Variants in TOGARAM1 observed in about 807,000 individuals in gnomAD.
The protein encoded by TOGARAM1 is TOG array regulator of axonemal microtubules 1.
TOGARAM1 carries 100 observed loss-of-function variants against 166.6 expected under a neutral mutation model. The observed-to-expected ratio is 0.60, with a 90% CI of 0.51 to 0.71. The LOEUF is 0.71. Ranked by LOEUF, TOGARAM1 falls within the 30% of genes least tolerant of loss-of-function variation. The pLI, the probability that TOGARAM1 is intolerant of heterozygous loss-of-function variation, is 0.00. For synonymous variants in TOGARAM1, 758 were observed against 763.8 expected (o/e 0.99, Z 0.13); for missense variants, 2,029 against 2,102.7 (o/e 0.96, Z 0.69).
chr14:44,995,866 G>C lies in TOGARAM1; in HGVS notation c.2167G>C (p.Asp723His), dbSNP rs780954750. The stretch of plus-strand genomic sequence containing the variant: ...AAGAAACTTATTTCAGAATAGTCGG[G>C]ATTTTAACCCAGATTGTCTTCCTTT... ...VSRNLFQNSRDFNPDCLPLCA... is the reference protein window; with the variant it reads ...VSRNLFQNSRHFNPDCLPLCA... Residue 723 changes from aspartate to histidine, a missense_variant, in exon 2 of 20, where the codon GAT becomes CAT. This residue lies in a region of TOGARAM1 where 1,453 missense variants were observed against 1,432.2 expected (regional missense o/e 1.01). Transcript: ENST00000361462. 1.7e-5 allele frequency: 27 copies of C among 1,610,732 alleles called. No individual in the cohort carries two copies. Among genetic ancestry groups the C allele is most frequent in the Non-Finnish European group, 2.1e-5 (25 of 1,178,944 alleles).
rs149629864 is a variant in TOGARAM1, at chr14:45,072,542, A to G, written c.5056+744A>G. Among the ~76,000 whole-genome samples the G allele has an allele frequency of 4.0e-3, 611 of 152,132 alleles. 7 individuals carry two copies. Among genetic ancestry groups the G allele is most frequent in the African/African-American group, 0.014 (570 of 41,494 alleles). On this transcript the variant is annotated intron_variant, in intron 19 of 19. Coordinates refer to ENST00000361462, the MANE Select transcript of TOGARAM1 (RefSeq NM_001308120.2). ...CCTGGGTTCAAGTGATTCCTGCCTC[A>G]GCCTCCTGAGTAGCTGGGACTACAG...
Position 45,027,489 on chromosome 14 carries a change from T to G in TOGARAM1, c.3504+15T>G. The G allele has an allele frequency of 6.3e-7, 1 of 1,579,230 alleles. No homozygotes were observed. Among genetic ancestry groups the G allele is most frequent in the Non-Finnish European group, 8.6e-7 (1 of 1,157,168 alleles). ...ATGAAAAAGATGTAAGGTTATTTGCTAATTATTAGAATAAATTTAAGCTTA... is the reference window on the plus strand; with the variant it reads ...ATGAAAAAGATGTAAGGTTATTTGCGAATTATTAGAATAAATTTAAGCTTA... On this transcript the variant is annotated intron_variant, in intron 9 of 19. Coordinates refer to ENST00000361462, the MANE Select transcript of TOGARAM1 (RefSeq NM_001308120.2).
chr14:45,041,066 A>T (rs1054526308), intron 11 of TOGARAM1, among the ~76,000 whole-genome samples: 28 of 151,400 alleles, frequency 1.8e-4, no homozygotes, highest in African/African-American at 6.6e-4. Context: ...AATAACTTGT[A>T]TAACCCAGTA....
At chr14:44,991,920 C>T (rs1887155930) in intron 1 of TOGARAM1, among the ~76,000 whole-genome samples, 1 of 150,828 alleles carries the variant, frequency 6.6e-6, no homozygotes, top group Non-Finnish European at 1.5e-5. Context: ...ATATTTTTTA[C>T]AATAAGCAAT....
At chr14:44,973,461 A>T (rs905191782) in intron 1 of TOGARAM1, among the ~76,000 whole-genome samples, 1 of 151,932 alleles carries the variant, frequency 6.6e-6, no homozygotes, top group Non-Finnish European at 1.5e-5. Context: ...ACACATAAGC[A>T]TACATAATCA....
chr14:45,002,561 C>T (rs955137441), intron 3 of TOGARAM1, among the ~76,000 whole-genome samples: 1 of 152,032 alleles, frequency 6.6e-6, no homozygotes, highest in Non-Finnish European at 1.5e-5. Flanking sequence ...TAGATGTTTG[C>T]ATCCCAATTT....
chr14:45,028,694 T>C (rs1190117945), intron 10 of TOGARAM1, among the ~76,000 whole-genome samples: 1 of 152,182 alleles, frequency 6.6e-6, no homozygotes, highest in African/African-American at 2.4e-5. Context: ...ATTCAGTCTA[T>C]CCTTGAGTAC....
At position 45,032,341 on chromosome 14, in the gene TOGARAM1, G is replaced by C; in HGVS notation, c.3777G>C (p.Leu1259=). The C allele has an allele frequency of 6.2e-7, 1 of 1,614,016 alleles. No individual in the cohort carries two copies. Among genetic ancestry groups the C allele is most frequent in the Non-Finnish European group, 8.5e-7 (1 of 1,179,986 alleles). ...CATTCTCTAAACCAGAAATAGCACT[G>C]ACAGAAGCCCTGAGGCTTTTGGCTG... is the stretch of plus-strand genomic sequence containing the variant. ...LRPFSKPEIA[L]TEALRLLADE... is the part of the protein sequence containing the mutation. The change falls in exon 11 of 20, where the codon CTG becomes CTC. Residue 1259 remains leucine, a synonymous_variant. Coordinates refer to ENST00000361462, the MANE Select transcript of TOGARAM1 (RefSeq NM_001308120.2).
chr14:45,036,130 T>TAA (rs770145117), intron 11 of TOGARAM1, among the ~76,000 whole-genome samples: 13 of 29,124 alleles, frequency 4.5e-4, no homozygotes, highest in East Asian at 1.2e-3. Context: ...ACCTTGTCTC[T>TAA]AAAAAAAAAA....
At chr14:45,073,174 C>T in intron 19 of TOGARAM1, 122 bp from the exon 20 acceptor site, 3 of 987,068 alleles carry the variant, frequency 3.0e-6, no homozygotes, top group Non-Finnish European at 4.3e-6. Context: ...TTTAAGAAGC[C>T]TAACTTTTTA....
chr14:45,030,361 A>C (rs892253124), intron 10 of TOGARAM1, among the ~76,000 whole-genome samples: 5 of 152,198 alleles, frequency 3.3e-5, no homozygotes, highest in Non-Finnish European at 7.3e-5. Flanking sequence ...GGAATTCTTA[A>C]AACTTCCACA....
At position 44,963,340 on chromosome 14, in the gene TOGARAM1, T is replaced by G. The variant is rs1029323484; in HGVS notation, c.919T>G (p.Tyr307Asp). 2 of 1,614,062 alleles carry G rather than the reference T, an allele frequency of 1.2e-6. No individual in the cohort carries two copies. The highest frequency in any genetic ancestry group is 2.7e-5 in the African/African-American group (2 of 74,934). Residue 307 changes from tyrosine to aspartate, a missense_variant, in exon 1 of 20, where the codon TAC (tyrosine) becomes GAC (aspartate). Physicochemically the swap from Tyr to Asp is radical, Grantham distance 160 (BLOSUM62 -3). This residue lies in a region of TOGARAM1 where 1,453 missense variants were observed against 1,432.2 expected (regional missense o/e 1.01). Transcript: ENST00000361462. ...TCTGCCCTCTGCCCTGAGGAGACAC[T>G]ACAATCGCCGCCTGGAGTCCCAGTT... ...SRLPSALRRH[Y>D]NRRLESQFGS...
At position 44,995,758 on chromosome 14, in the gene TOGARAM1, G is replaced by A; in HGVS notation, c.2059G>A (p.Asp687Asn). 1.9e-6 allele frequency: 3 copies of A among 1,569,892 alleles called. No individual in the cohort carries two copies. The highest frequency in any genetic ancestry group is 2.6e-6 in the Non-Finnish European group (3 of 1,160,606). The change falls in exon 2 of 20, where the codon GAT (aspartate) becomes AAT (asparagine). Residue 687 changes from aspartate (D) to asparagine (N), a missense_variant. By Grantham distance (23) the Asp-to-Asn change is conservative (BLOSUM62 1). Transcript: ENST00000361462. ...TCTGTTCTTATAGTTTTCAACATAT[G>A]ATTTCATCCCATCTGCAAAATTAAA... is the stretch of plus-strand genomic sequence containing the variant. The part of the protein sequence containing the change: ...SKDIEQFSTY[D>N]FIPSAKLKLS...
At chr14:44,998,814 T>C (rs1402668477) in intron 2 of TOGARAM1, among the ~76,000 whole-genome samples, 1 of 152,104 alleles carries the variant, frequency 6.6e-6, no homozygotes, top group Non-Finnish European at 1.5e-5. Flanking sequence ...TTTAGACTTA[T>C]TCATCTTCCC....
At chr14:45,021,331 T>C (rs945365044) in intron 7 of TOGARAM1, among the ~76,000 whole-genome samples, 1 of 152,136 alleles carries the variant, frequency 6.6e-6, no homozygotes, top group African/African-American at 2.4e-5. Flanking sequence ...GGGTTTCCCT[T>C]AGATAAACTC....
At chr14:45,001,637 A>T (rs968156197) in intron 3 of TOGARAM1, among the ~76,000 whole-genome samples, 4 of 152,250 alleles carry the variant, frequency 2.6e-5, no homozygotes, top group African/African-American at 7.2e-5. Flanking sequence ...CATGTCTAAT[A>T]GGTATATGAA....
intron 10 of TOGARAM1, among the ~76,000 whole-genome samples, chr14:45,030,685 T>C (rs1409210053): frequency 6.6e-6 from 1 of 152,190 alleles, no homozygotes; most frequent in Non-Finnish European, 1.5e-5. Context: ...GGTACTGATT[T>C]ATCACTATAG....
chr14:45,006,296 A>C (rs1165152819), intron 5 of TOGARAM1, 29 bp downstream of exon 5: 24 of 1,516,046 alleles, frequency 1.6e-5, no homozygotes, highest in Non-Finnish European at 2.1e-5. Context: ...TAATGACTTA[A>C]AAATATTTGC....
At chr14:45,056,053 C>T (rs1882621340) in intron 16 of TOGARAM1, among the ~76,000 whole-genome samples, 1 of 151,364 alleles carries the variant, frequency 6.6e-6, no homozygotes, top group Non-Finnish European at 1.5e-5. Context: ...CTTCTTTTGT[C>T]AGCGTTTTTT....
Sources: gnomAD v4.1 joint callset for allele counts (sites outside exome capture counted in the v4.1 genomes callset) on GRCh38, gnomAD v4.1.1 for gene constraint, gnomAD v4.1.1 regional missense constraint, MANE v1.5 for transcripts, NCBI Gene and HGNC (gene_info 2026-07-23, HGNC 2026-07-21) for gene names.